The following RPN2 variants were observed in gnomAD, a reference collection of about 807,000 sequenced individuals.
RPN2 encodes dolichyl-diphosphooligosaccharide--protein glycosyltransferase subunit 2.
A neutral mutation model predicts 71.4 loss-of-function variants in RPN2; 29 were observed. The ratio of observed to expected loss-of-function variants is 0.41; its 90% CI spans 0.30 to 0.55. RPN2 has a LOEUF of 0.55. Among genes scored for constraint, RPN2 ranks in the 20% least tolerant of loss-of-function variants. RPN2 has a pLI of 0.35. For synonymous variants in RPN2, 308 were observed against 305.0 expected, an observed-to-expected ratio of 1.01 and a Z score of -0.10; for missense variants, 726 against 774.1, an observed-to-expected ratio of 0.94 and a Z score of 0.74.
At chr20:37,227,423 C>CA (rs555919821) in intron 11 of RPN2, among the ~76,000 whole-genome samples, 38 of 152,322 alleles carry the variant, frequency 2.5e-4, no homozygotes, top group African/African-American at 8.4e-4. Flanking sequence ...ATGAACTTGG[C>CA]AGCTGCCTGC....
At chr20:37,213,900 A>G in intron 9 of RPN2, 35 bp downstream of exon 9, 1 of 1,475,030 alleles carries the variant, frequency 6.8e-7, no homozygotes, top group Non-Finnish European at 9.5e-7. Flanking sequence ...TTGCCATGTT[A>G]GTATATCCAA....
chr20:37,194,804 C>T (rs1421791051), intron 2 of RPN2, among the ~76,000 whole-genome samples: 2 of 152,046 alleles, frequency 1.3e-5, no homozygotes, highest in Non-Finnish European at 2.9e-5. Flanking sequence ...GGCGTGGGGC[C>T]CCAGCCAGTG....
rs745377573 is a variant in RPN2, at chr20:37,225,817, T to G, written c.1299+15T>G. On this transcript the variant is annotated intron_variant, in intron 11 of 16. Transcript: ENST00000237530. ...CTCCTCACCAGGTCAGGAAGACACC[T>G]AGACAGTTCTCTTAACCTGAAATGT... 5.2e-6 allele frequency: 8 copies of G among 1,526,876 alleles called. No individual in the cohort carries two copies. The South Asian group carries it at 9.0e-5, about 17-fold the overall frequency. The allele number at this position is 1,526,876 out of a possible 1,614,324, so 94.6% of individuals were successfully genotyped here.
At chr20:37,228,846 G>A in intron 12 of RPN2, 102 bp downstream of exon 12, 2 of 1,075,266 alleles carry the variant, frequency 1.9e-6, no homozygotes, top group Admixed American at 1.8e-5. Flanking sequence ...CGCCTTGCCT[G>A]TGCCTCCTAT....
At chr20:37,191,194 C>T (rs771507435) in intron 2 of RPN2, among the ~76,000 whole-genome samples, 7 of 151,990 alleles carry the variant, frequency 4.6e-5, no homozygotes, top group Admixed American at 1.3e-4. Context: ...GTGTGAGCAT[C>T]GGCTGGGTGC....
chr20:37,202,353 A>G (rs1358574320), intron 4 of RPN2, among the ~76,000 whole-genome samples: 1 of 152,136 alleles, frequency 6.6e-6, no homozygotes, highest in African/African-American at 2.4e-5. Context: ...CTGTTTTCCA[A>G]CTTGTCATCT....
At position 37,228,790 on chromosome 20, in the gene RPN2, C is replaced by T. The variant is rs762373230; in HGVS notation, c.1494+46C>T. On this transcript the variant is annotated intron_variant, in intron 12 of 16. Coordinates refer to ENST00000237530, the MANE Select transcript of RPN2 (RefSeq NM_002951.5). ...CGACCCAGGTGAGAGTGGCTGTGCCCCAGGCACTGGTGGCTCTTTTTCAGG... is the reference window on the plus strand; with the variant it reads ...CGACCCAGGTGAGAGTGGCTGTGCCTCAGGCACTGGTGGCTCTTTTTCAGG... The T allele has an allele frequency of 1.9e-5, 30 of 1,574,116 alleles. No homozygotes were observed. The South Asian group carries it at 3.1e-4, about 16-fold the overall frequency.
chr20:37,225,862 C>T (rs769184450), intron 11 of RPN2, 60 bp downstream of exon 11: 139 of 1,149,416 alleles, frequency 1.2e-4, no homozygotes, highest in Non-Finnish European at 1.7e-4. Context: ...CTAGAGTTTA[C>T]AATGTGGTCT....
At chr20:37,201,159 C>T (rs768944599) in intron 4 of RPN2, among the ~76,000 whole-genome samples, 1 of 151,262 alleles carries the variant, frequency 6.6e-6, no homozygotes, top group Admixed American at 6.6e-5. Flanking sequence ...TCTTGGTGGG[C>T]GTGTAGGAAA....
At position 37,225,694 on chromosome 20, in the gene RPN2, A is replaced by T; in HGVS notation, c.1191A>T (p.Thr397=). The T allele has an allele frequency of 6.2e-7, 1 of 1,612,710 alleles. No individual in the cohort carries two copies. Among genetic ancestry groups the T allele is most frequent in the Non-Finnish European group, 8.5e-7 (1 of 1,178,706 alleles). The stretch of plus-strand genomic sequence containing the variant: ...CTCTATATGCCTCTTTCAGGGTGAC[A>T]TACCCAGCCAAAGCCAAGGGCACAT... The part of the protein sequence containing the change: ...QSIAPKTTRV[T]YPAKAKGTFI... The change falls in exon 11 of 17, where the codon ACA becomes ACT. Residue 397 remains threonine (T), a synonymous_variant. Transcript: ENST00000237530.
chr20:37,182,261 T>C (rs2066901773), intron 1 of RPN2, among the ~76,000 whole-genome samples: 1 of 151,932 alleles, frequency 6.6e-6, no homozygotes, highest in Non-Finnish European at 1.5e-5. Context: ...ACCTGGCTAA[T>C]TTTTGTCTTT....
chr20:37,184,036 G>A, intron 1 of RPN2, 144 bp from the exon 2 acceptor site: 1 of 924,650 alleles, frequency 1.1e-6, no homozygotes, highest in East Asian at 2.6e-5. Context: ...GCCTTCCCAA[G>A]GCTTCTCCTC....
intron 2 of RPN2, among the ~76,000 whole-genome samples, chr20:37,197,829 T>G (rs765718471): frequency 2.4e-4 from 37 of 152,038 alleles, no homozygotes; most frequent in Admixed American, 5.9e-4. Context: ...ACTCCTGAGC[T>G]CAAGCAGTCC....
At chr20:37,220,917 T>C (rs1339617674) in intron 9 of RPN2, among the ~76,000 whole-genome samples, 2 of 152,202 alleles carry the variant, frequency 1.3e-5, no homozygotes, top group Admixed American at 6.5e-5. Flanking sequence ...TGTGCAACAA[T>C]GAAAGCTGTA....
intron 2 of RPN2, among the ~76,000 whole-genome samples, chr20:37,192,196 G>A (rs2067156555): frequency 6.6e-6 from 1 of 152,174 alleles, no homozygotes; most frequent in Non-Finnish European, 1.5e-5. Flanking sequence ...TGTAGTGCCT[G>A]GCACATGATG....
rs149922061 is a variant in RPN2 at position 37,241,413 on chromosome 20, A to G, written c.*98A>G. The G allele has an allele frequency of 5.3e-3, 7,551 of 1,435,976 alleles. 28 individuals are homozygous for G. Among genetic ancestry groups the G allele is most frequent in the Middle Eastern group, 7.8e-3 (33 of 4,214 alleles). The allele number at this position is 1,435,976 out of a possible 1,614,324, so 89.0% of individuals were successfully genotyped here. A position where few individuals can be genotyped will look rare whatever the true frequency, so the allele number is the denominator to read the frequency against. ...AAGAAAAATGGAAAAAAAAAACTTTATTTAAAAAAGAAAAAAGTCCAGATT... is the reference window on the plus strand; with the variant it reads ...AAGAAAAATGGAAAAAAAAAACTTTGTTTAAAAAAGAAAAAAGTCCAGATT... On this transcript the variant is annotated 3_prime_UTR_variant, in exon 17 of 17. Transcript: ENST00000237530.
chr20:37,196,341 G>A (rs1417512612), intron 2 of RPN2, among the ~76,000 whole-genome samples: 2 of 152,042 alleles, frequency 1.3e-5, no homozygotes, highest in Non-Finnish European at 2.9e-5. Context: ...TCAGTCTCCC[G>A]CCTCAAGCCT....
At chr20:37,196,099 G>A (rs1015818055) in intron 2 of RPN2, among the ~76,000 whole-genome samples, 8 of 151,712 alleles carry the variant, frequency 5.3e-5, no homozygotes, top group Non-Finnish European at 8.8e-5. Flanking sequence ...TCACTCTGTC[G>A]TCCAGGCTGG....
rs1600779992 is a variant in RPN2 at position 37,204,980 on chromosome 20, A to G, written c.690+79A>G. ...CTGCTAAGGATGGCTTTTATCAGAG[A>G]GGAATGTTCAGACAGTACCTTGGGA... On this transcript the variant is annotated intron_variant, in intron 6 of 16. Coordinates refer to ENST00000237530, the MANE Select transcript of RPN2 (RefSeq NM_002951.5). 1.3e-5 allele frequency: 20 copies of G among 1,599,172 alleles called. No individual in the cohort carries two copies. In the East Asian group the frequency reaches 4.5e-4, roughly 36 times the overall value.
Sources: allele counts gnomAD v4.1 joint callset (sites outside exome capture counted in the v4.1 genomes callset), GRCh38; gene constraint gnomAD v4.1.1; transcripts MANE v1.5; gene names NCBI Gene and HGNC (gene_info 2026-07-23, HGNC 2026-07-21).